FAM117B: variants seen among roughly 807,000 people sequenced by gnomAD.
The protein encoded by FAM117B is protein FAM117B.
Under a neutral mutation model 52.8 loss-of-function variants are expected in FAM117B, and 22 were observed. That is an observed-to-expected ratio of 0.42 (90% CI 0.30 to 0.59). The LOEUF is 0.59. Among genes scored for constraint, FAM117B ranks in the 20% least tolerant of loss-of-function variants. The probability of loss-of-function intolerance (pLI) is 0.22; values close to 1 mark genes in which losing one functional copy is unlikely to be tolerated. For missense variants in FAM117B, 678 were observed against 802.6 expected, an observed-to-expected ratio of 0.84 and a Z score of 1.88; for synonymous variants, 309 against 324.1, an observed-to-expected ratio of 0.95 and a Z score of 0.50.
intron 7 of FAM117B, among the ~76,000 whole-genome samples, chr2:202,760,279 G>T (rs13395878): frequency 3.3e-5 from 5 of 151,920 alleles, no homozygotes; most frequent in Admixed American, 6.6e-5. Flanking sequence ...TTGAATTTAG[G>T]GGTATATAGG....
chr2:202,671,153 A>G (rs1215647302), intron 1 of FAM117B, among the ~76,000 whole-genome samples: 1 of 152,228 alleles, frequency 6.6e-6, no homozygotes, highest in Non-Finnish European at 1.5e-5. Context: ...TCGATCATAA[A>G]CACCGTTTTG....
intron 1 of FAM117B, among the ~76,000 whole-genome samples, chr2:202,658,070 C>G (rs763583830): frequency 6.6e-5 from 10 of 152,150 alleles, no homozygotes; most frequent in African/African-American, 2.4e-4. Context: ...TTGAAAACCA[C>G]ATACTCAGCA....
chr2:202,746,779 G>A (rs1010524613), intron 4 of FAM117B, among the ~76,000 whole-genome samples: 1 of 151,916 alleles, frequency 6.6e-6, no homozygotes, highest in African/African-American at 2.4e-5. Flanking sequence ...GAAAAGCCCA[G>A]AACTAAATGG....
chr2:202,636,712 A>C (rs778991586), intron 1 of FAM117B, among the ~76,000 whole-genome samples: 2 of 152,196 alleles, frequency 1.3e-5, no homozygotes, highest in Non-Finnish European at 2.9e-5. Flanking sequence ...TTGTCAACAT[A>C]TATCTTTGTC....
At chr2:202,692,149 A>C (rs992571723) in intron 1 of FAM117B, among the ~76,000 whole-genome samples, 1 of 152,330 alleles carries the variant, frequency 6.6e-6, no homozygotes, top group African/African-American at 2.4e-5. Flanking sequence ...ATAATAATGT[A>C]ATATAGAGAG....
At chr2:202,640,823 G>A (rs990665407) in intron 1 of FAM117B, among the ~76,000 whole-genome samples, 1 of 151,972 alleles carries the variant, frequency 6.6e-6, no homozygotes, top group African/African-American at 2.4e-5. Context: ...GTTGCCCAGG[G>A]TGCTCTCCAA....
intron 1 of FAM117B, among the ~76,000 whole-genome samples, chr2:202,666,768 A>G (rs1454991279): frequency 1.4e-5 from 2 of 147,806 alleles, no homozygotes; most frequent in African/African-American, 5.1e-5. Flanking sequence ...TCCCGGGTTC[A>G]AGTGATTCTC....
intron 4 of FAM117B, among the ~76,000 whole-genome samples, chr2:202,740,174 C>CCAA (rs1553523191): frequency 9.9e-6 from 1 of 100,610 alleles, no homozygotes; most frequent in African/African-American, 4.1e-5. Flanking sequence ...CTTCATCCCC[C>CCAA]AAAAAAAAAA....
At chr2:202,740,174 C>CAAAAAAAAAA (rs67479326) in intron 4 of FAM117B, among the ~76,000 whole-genome samples, 5 of 100,608 alleles carry the variant, frequency 5.0e-5, no homozygotes, top group Non-Finnish European at 1.8e-5. Flanking sequence ...CTTCATCCCC[C>CAAAAAAAAAA]AAAAAAAAAA....
chr2:202,756,640 G>T (rs966742994), intron 5 of FAM117B, among the ~76,000 whole-genome samples: 8 of 152,076 alleles, frequency 5.3e-5, no homozygotes, highest in Non-Finnish European at 7.4e-5. Flanking sequence ...ATGGGGTACA[G>T]ATTCCCTGAT....
intron 1 of FAM117B, among the ~76,000 whole-genome samples, chr2:202,659,864 C>CCG (rs1690103882): frequency 6.6e-6 from 1 of 151,766 alleles, no homozygotes; most frequent in South Asian, 2.1e-4. Context: ...CGTGATCCAC[C>CCG]CGCATCGGCC....
chr2:202,688,886 T>A (rs1175449299), intron 1 of FAM117B, among the ~76,000 whole-genome samples: 1 of 152,296 alleles, frequency 6.6e-6, no homozygotes, highest in Middle Eastern at 3.4e-3. Context: ...AAAACAAGTC[T>A]AAAAGGATAC....
At chr2:202,763,934 T>C (rs1691937214) in intron 7 of FAM117B, among the ~76,000 whole-genome samples, 1 of 152,186 alleles carries the variant, frequency 6.6e-6, no homozygotes, top group African/African-American at 2.4e-5. Flanking sequence ...CCACAGGTTA[T>C]CCACCCCCTT....
At chr2:202,653,949 A>G (rs896991012) in intron 1 of FAM117B, among the ~76,000 whole-genome samples, 7 of 151,908 alleles carry the variant, frequency 4.6e-5, no homozygotes, top group South Asian at 4.2e-4. Flanking sequence ...GTACTATTCA[A>G]CCTTTTCTGT....
rs1156278814 is a variant in FAM117B, at chr2:202,741,416, CAAAAAAAAAAAAAAAA to C, written c.961-14107_961-14092del. On this transcript the variant is annotated intron_variant, in intron 4 of 7. Coordinates refer to ENST00000392238, the MANE Select transcript of FAM117B (RefSeq NM_173511.4). ...CTGGTGACAGAGCAAGACTCTGTCT[CAAAAAAAAAAAAAAAA>C]AAAAAAAAAAAAAAGAATTGGTGAT... Among the ~76,000 whole-genome samples the C allele has an allele frequency of 5.7e-4, 20 of 34,970 alleles. No homozygotes were observed. The Admixed American group carries it at 7.1e-3, about 12-fold the overall frequency. The allele number at this position is 34,970 out of a possible 152,430, so 22.9% of individuals were successfully genotyped here. A position where few individuals can be genotyped will look rare whatever the true frequency, so the allele number is the denominator to read the frequency against.
chr2:202,713,009 G>A (rs183466547), intron 2 of FAM117B, among the ~76,000 whole-genome samples: 20 of 152,186 alleles, frequency 1.3e-4, no homozygotes, highest in Non-Finnish European at 2.5e-4. Context: ...TTTCTTTGAA[G>A]TGTTTGGTTT....
chr2:202,737,145 T>C (rs1691452584), intron 4 of FAM117B, among the ~76,000 whole-genome samples: 1 of 152,054 alleles, frequency 6.6e-6, no homozygotes, highest in East Asian at 1.9e-4. Flanking sequence ...TTTTAAGGTA[T>C]ACCTAAGTCA....
rs1030301643 is a variant in FAM117B, at chr2:202,724,909, C to T, written c.754-8C>T. ...GTTAAATACACCTCCCCTCTTTTTT[C>T]ATTACAGACAGAGAGTGCATGGGCT... On this transcript the variant is annotated splice_polypyrimidine_tract_variant and splice_region_variant and intron_variant, in intron 2 of 7. Coordinates refer to ENST00000392238, the MANE Select transcript of FAM117B (RefSeq NM_173511.4). The T allele has an allele frequency of 1.3e-6, 2 of 1,581,252 alleles. No homozygotes were observed. The highest frequency in any genetic ancestry group is 1.7e-6 in the Non-Finnish European group (2 of 1,165,322).
chr2:202,755,830 T>A, intron 5 of FAM117B, 149 bp downstream of exon 5: 1 of 769,700 alleles, frequency 1.3e-6, no homozygotes, highest in Non-Finnish European at 2.0e-6. Context: ...CCTGGGTGAG[T>A]GAATGAAAAG....
Sources: gnomAD v4.1 joint callset for allele counts (sites outside exome capture counted in the v4.1 genomes callset) on GRCh38, gnomAD v4.1.1 for gene constraint, MANE v1.5 for transcripts, NCBI Gene and HGNC (gene_info 2026-07-23, HGNC 2026-07-21) for gene names.